TMEFF2: variants seen among roughly 807,000 people sequenced by gnomAD.
TMEFF2 encodes tomoregulin-2.
A neutral mutation model predicts 53.8 loss-of-function variants in TMEFF2; 28 were observed. The observed-to-expected ratio is 0.52, with a 90% CI of 0.39 to 0.71. The LOEUF (loss-of-function observed/expected upper bound fraction) is 0.71. Ranked by LOEUF, TMEFF2 falls within the 30% of genes least tolerant of loss-of-function variation. TMEFF2 has a pLI of 0.00. For synonymous variants in TMEFF2, 162 were observed against 166.3 expected (o/e 0.97, Z 0.20); for missense variants, 353 against 455.2 (o/e 0.78, Z 2.04).
At chr2:192,138,790 G>A (rs2105987321) in intron 4 of TMEFF2, among the ~76,000 whole-genome samples, 1 of 152,194 alleles carries the variant, frequency 6.6e-6, no homozygotes, top group African/African-American at 2.4e-5. Context: ...CTGAAATAAT[G>A]GAAACTTATA....
chr2:192,178,118 C>G (rs1691095453), intron 4 of TMEFF2: 1 of 151,022 alleles, frequency 6.6e-6, no homozygotes, highest in Non-Finnish European at 1.5e-5. Flanking sequence ...AACAGTGGAA[C>G]AGTTCAGTCT....
chr2:191,958,920 C>G (rs1692185948), intron 7 of TMEFF2, among the ~76,000 whole-genome samples: 1 of 152,118 alleles, frequency 6.6e-6, no homozygotes, highest in African/African-American at 2.4e-5. Context: ...TATATAACCA[C>G]TGCTAGTAAT....
intron 9 of TMEFF2, among the ~76,000 whole-genome samples, chr2:191,952,736 T>C (rs1474488030): frequency 1.3e-5 from 2 of 152,196 alleles, no homozygotes; most frequent in African/African-American, 4.8e-5. Flanking sequence ...CATACTGAAA[T>C]GCATTATGAC....
At chr2:191,956,116 G>A (rs1195093700) in intron 8 of TMEFF2, 139 bp downstream of exon 8, 5 of 820,278 alleles carry the variant, frequency 6.1e-6, no homozygotes, top group Non-Finnish European at 5.6e-6. Flanking sequence ...GTGTATGCAT[G>A]CACAGGAGGA....
intron 7 of TMEFF2, among the ~76,000 whole-genome samples, chr2:191,990,158 TAA>T (rs1686068897): frequency 6.6e-6 from 1 of 152,152 alleles, no homozygotes; most frequent in African/African-American, 2.4e-5. Flanking sequence ...AGTTCAAAAG[TAA>T]AAGTGTGTTT....
At chr2:192,108,956 G>A (rs1454770835) in intron 4 of TMEFF2, among the ~76,000 whole-genome samples, 4 of 152,000 alleles carry the variant, frequency 2.6e-5, no homozygotes, top group East Asian at 1.9e-4. Context: ...TATAGTTCAC[G>A]ATTCCATTTA....
intron 2 of TMEFF2, among the ~76,000 whole-genome samples, chr2:192,191,281 TGACTTGTG>T (rs1367821868): frequency 2.0e-5 from 3 of 152,192 alleles, no homozygotes; most frequent in African/African-American, 7.2e-5. Context: ...GTTCATAAAA[TGACTTGTG>T]GATCTAAATG....
At chr2:192,192,110 T>C (rs191987654) in intron 1 of TMEFF2, 121 bp from the exon 2 acceptor site, 2 of 636,658 alleles carry the variant, frequency 3.1e-6, no homozygotes, top group Middle Eastern at 3.6e-4. Context: ...ACTATAGCTG[T>C]ACTGCAAGGT....
chr2:191,979,753 T>C (rs1344880328), intron 7 of TMEFF2, among the ~76,000 whole-genome samples: 1 of 144,704 alleles, frequency 6.9e-6, no homozygotes, highest in Admixed American at 6.9e-5. Context: ...CCAGTAGAGA[T>C]AAAAAAAAAA....
chr2:191,986,853 G>A (rs1468850402), intron 7 of TMEFF2, among the ~76,000 whole-genome samples: 9 of 123,928 alleles, frequency 7.3e-5, no homozygotes, highest in South Asian at 2.6e-4. Flanking sequence ...GTGAGACTCC[G>A]TCTCAGAAAA....
At chr2:192,067,432 C>G (rs973755744) in intron 4 of TMEFF2, among the ~76,000 whole-genome samples, 1 of 151,768 alleles carries the variant, frequency 6.6e-6, no homozygotes, top group East Asian at 1.9e-4. Context: ...TTCATTGTCT[C>G]TCTTGTATTT....
At chr2:192,066,751 A>T (rs1002602730) in intron 4 of TMEFF2, among the ~76,000 whole-genome samples, 3 of 151,828 alleles carry the variant, frequency 2.0e-5, no homozygotes, top group Non-Finnish European at 4.4e-5. Flanking sequence ...GAAGAAATGA[A>T]GGAAGGAAGG....
intron 4 of TMEFF2, among the ~76,000 whole-genome samples, chr2:192,153,571 C>T (rs906249499): frequency 2.0e-5 from 3 of 151,850 alleles, no homozygotes; most frequent in Admixed American, 1.3e-4. Flanking sequence ...TTTTGCCAAC[C>T]ATGGGACATT....
intron 2 of TMEFF2, 80 bp downstream of exon 2, chr2:192,191,800 C>T: frequency 9.8e-7 from 1 of 1,023,474 alleles, no homozygotes; most frequent in Non-Finnish European, 1.5e-6. Context: ...TATAAATTTC[C>T]AAGTGATAGG....
At chr2:192,152,644 A>G (rs900007887) in intron 4 of TMEFF2, among the ~76,000 whole-genome samples, 1 of 151,956 alleles carries the variant, frequency 6.6e-6, no homozygotes. Context: ...AATCTATTTT[A>G]ATAAAAGTGA....
At chr2:192,027,867 C>T (rs1259886727) in intron 5 of TMEFF2, 1 of 152,244 alleles carries the variant, frequency 6.6e-6, no homozygotes, top group Admixed American at 6.5e-5. Flanking sequence ...ACCTTGTTCA[C>T]ATAGATGGTT....
chr2:192,186,738 A>G (rs916918086), intron 2 of TMEFF2, among the ~76,000 whole-genome samples: 3 of 152,064 alleles, frequency 2.0e-5, no homozygotes, highest in Non-Finnish European at 4.4e-5. Context: ...CTTTGTATGT[A>G]GATTATTTGG....
rs141257087 is a variant in TMEFF2 at position 192,091,965 on chromosome 2, T to G, written c.440-34190A>C. On this transcript the variant is annotated intron_variant, in intron 4 of 9. Coordinates refer to ENST00000272771, the MANE Select transcript of TMEFF2 (RefSeq NM_016192.4). ...TTTATGTTAGTGTGACTACTTCCTC[T>G]TAAAAGTTTTAAAAACATACAGCGG... Among the ~76,000 whole-genome samples, 659 of 152,264 alleles carry G rather than the reference T, an allele frequency of 4.3e-3. 4 individuals carry two copies. The highest frequency in any genetic ancestry group is 7.3e-3 in the Non-Finnish European group (496 of 68,006).
At chr2:192,029,340 C>A (rs1180445466) in intron 5 of TMEFF2, 1 of 152,248 alleles carries the variant, frequency 6.6e-6, no homozygotes, top group Non-Finnish European at 1.5e-5. Context: ...GTAGGAGGAA[C>A]CCTAAGTCAG....
Sources: allele counts gnomAD v4.1 joint callset (sites outside exome capture counted in the v4.1 genomes callset), GRCh38; gene constraint gnomAD v4.1.1; transcripts MANE v1.5; gene names NCBI Gene and HGNC (gene_info 2026-07-23, HGNC 2026-07-21).